Variants in ZEB1 observed in about 807,000 individuals in gnomAD.
ZEB1 encodes the protein zinc finger E-box binding homeobox 1.
In ZEB1, 21 loss-of-function variants were observed where a neutral mutation model predicts 84.9. The ratio of observed to expected loss-of-function variants is 0.25; its 90% CI spans 0.18 to 0.36. ZEB1 has a LOEUF of 0.36. Ranked by LOEUF, ZEB1 falls within the 10% of genes least tolerant of loss-of-function variation. The probability of loss-of-function intolerance (pLI) is 1.00; values close to 1 mark genes in which losing one functional copy is unlikely to be tolerated. For synonymous variants in ZEB1, 420 were observed against 471.1 expected (o/e 0.89, Z 1.41); for missense variants, 1,104 against 1,330.2 (o/e 0.83, Z 2.65).
At chr10:31,378,010 TATATC>T (rs1472438268) in intron 1 of ZEB1, among the ~76,000 whole-genome samples, 1 of 151,052 alleles carries the variant, frequency 6.6e-6, no homozygotes, top group Non-Finnish European at 1.5e-5. Flanking sequence ...GCACAATACA[TATATC>T]ATACATATAT....
At chr10:31,412,698 A>C (rs2135831434) in intron 1 of ZEB1, among the ~76,000 whole-genome samples, 1 of 152,306 alleles carries the variant, frequency 6.6e-6, no homozygotes, top group East Asian at 1.9e-4. Context: ...CTGCTTATAG[A>C]ATGCTATGGA....
intron 2 of ZEB1, among the ~76,000 whole-genome samples, chr10:31,489,778 T>TAA (rs972144229): frequency 1.3e-5 from 2 of 151,406 alleles, no homozygotes; most frequent in Non-Finnish European, 3.0e-5. Context: ...CTTTATTTTA[T>TAA]AGTTTTTATA....
chr10:31,441,108 A>G (rs1446353117), intron 1 of ZEB1, among the ~76,000 whole-genome samples: 1 of 152,184 alleles, frequency 6.6e-6, no homozygotes, highest in Admixed American at 6.5e-5. Context: ...AGACAATCCT[A>G]AGCCAAAAGA....
rs192705810 is a variant in ZEB1 at position 31,405,798 on chromosome 10, A to G, written c.59-55239A>G. On this transcript the variant is annotated intron_variant, in intron 1 of 8. Transcript: ENST00000424869. ...TCATGGTGGTTTGTTGCACCCATCA[A>G]CCCGTCATCTACATTAGGTATTTCT... Among the ~76,000 whole-genome samples the G allele has an allele frequency of 3.4e-3, 518 of 152,072 alleles. 5 individuals carry two copies. The highest frequency in any genetic ancestry group is 3.9e-3 in the Non-Finnish European group (267 of 67,966).
At chr10:31,447,793 G>A in intron 1 of ZEB1, among the ~76,000 whole-genome samples, 1 of 152,164 alleles carries the variant, frequency 6.6e-6, no homozygotes, top group Non-Finnish European at 1.5e-5. Context: ...CTGTTAGTCT[G>A]ATGGGCTTCC....
At position 31,332,292 on chromosome 10, in the gene ZEB1, A is replaced by T. The variant is rs112368802; in HGVS notation, c.58+13000A>T. On this transcript the variant is annotated intron_variant, in intron 1 of 8. Coordinates refer to ENST00000424869, the MANE Select transcript of ZEB1 (RefSeq NM_001174096.2). ...TTGGCTGTGCATTTCTAGTCCCTGC[A>T]CTGTTAGGGGGAATTGTATATTTTT... Among the ~76,000 whole-genome samples the T allele has an allele frequency of 5.3e-3, 804 of 152,270 alleles. 7 individuals are homozygous for T. Among genetic ancestry groups the T allele is most frequent in the African/African-American group, 0.018 (749 of 41,558 alleles).
In ZEB1 at chr10:31,387,861, A is replaced by C. The variant is rs1277899319; in HGVS notation, c.58+68569A>C. ...TGAAAAATATTACTTAAAACTTGAA[A>C]AAATTACTTAAAATTGGCAATTTCT... On this transcript the variant is annotated intron_variant, in intron 1 of 8. Transcript: ENST00000424869. 15 of 673,456 alleles carry C rather than the reference A, an allele frequency of 2.2e-5. No individual in the cohort carries two copies. The Admixed American group carries it at 6.3e-4, about 28-fold the overall frequency. 41.7% of individuals were successfully genotyped at this position (673,456 alleles called of 1,614,324 possible).
Position 31,322,446 on chromosome 10 carries a change from A to G in ZEB1, c.58+3154A>G, listed in dbSNP as rs146739300. Among the ~76,000 whole-genome samples the G allele has an allele frequency of 5.6e-4, 85 of 152,350 alleles. 6 individuals carry two copies. In the East Asian group the frequency reaches 0.016, roughly 29 times the overall value. On this transcript the variant is annotated intron_variant, in intron 1 of 8. Coordinates refer to ENST00000424869, the MANE Select transcript of ZEB1 (RefSeq NM_001174096.2). ...TGTTTTATTCATTTTGAAATAAGAT[A>G]CGTGGATTTTGCTGCTAAGCCTTCT...
chr10:31,337,693 T>TTTG (rs1434625026), intron 1 of ZEB1, among the ~76,000 whole-genome samples: 8 of 145,710 alleles, frequency 5.5e-5, no homozygotes, highest in African/African-American at 2.0e-4. Context: ...GTTTTTTTTT[T>TTTG]TTTTTTTTTT....
At chr10:31,489,761 C>T (rs1206346867) in intron 2 of ZEB1, among the ~76,000 whole-genome samples, 1 of 150,924 alleles carries the variant, frequency 6.6e-6, no homozygotes, top group African/African-American at 2.4e-5. Context: ...TCTTGTTATT[C>T]TCCCTCCTTT....
intron 2 of ZEB1, among the ~76,000 whole-genome samples, chr10:31,478,531 T>C (rs2064590586): frequency 2.0e-5 from 3 of 151,928 alleles, no homozygotes; most frequent in Admixed American, 2.0e-4. Context: ...GAAATCATTA[T>C]ATAAGAAAGA....
intron 1 of ZEB1, chr10:31,319,587 C>T (rs1016807814): frequency 1.8e-5 from 7 of 396,320 alleles, no homozygotes; most frequent in African/African-American, 1.3e-4. Flanking sequence ...GCCGACGCCG[C>T]CGCATCCCCG....
At chr10:31,481,253 A>G (rs1033520835) in intron 2 of ZEB1, among the ~76,000 whole-genome samples, 1 of 152,106 alleles carries the variant, frequency 6.6e-6, no homozygotes, top group African/African-American at 2.4e-5. Flanking sequence ...CTGAATATAT[A>G]TAAAAACAGA....
At chr10:31,516,945 T>C (rs1354770599) in intron 6 of ZEB1, among the ~76,000 whole-genome samples, 2 of 152,082 alleles carry the variant, frequency 1.3e-5, no homozygotes, top group Non-Finnish European at 2.9e-5. Context: ...GTGTTACTCA[T>C]TCTTGAGATA....
chr10:31,372,399 A>G (rs185100164), intron 1 of ZEB1, among the ~76,000 whole-genome samples: 1 of 152,192 alleles, frequency 6.6e-6, no homozygotes, highest in East Asian at 1.9e-4. Context: ...CATAAAGCCT[A>G]TGGTCAAAAA....
Position 31,526,725 on chromosome 10 carries a change from C to T in ZEB1, c.2839C>T (p.His947Tyr). ...ICKKAFKHKH[H>Y]LIEHMRLHSG... Reference sequence around the variant, plus strand: ...TAAAAAGGCATTTAAACACAAACATCATTTGATTGAACACATGCGATTACA... The same window carrying T: ...TAAAAAGGCATTTAAACACAAACATTATTTGATTGAACACATGCGATTACA... Residue 947 changes from histidine (H) to tyrosine (Y), a missense_variant, in exon 9 of 9, where the codon CAT becomes TAT. Physicochemically the swap from His to Tyr is moderately conservative, Grantham distance 83 (BLOSUM62 2). Around this residue, in one of 7 missense-constraint regions of ZEB1, gnomAD observed 53 missense variants for 92.5 expected, o/e 0.57. Coordinates refer to ENST00000424869, the MANE Select transcript of ZEB1 (RefSeq NM_001174096.2). 6.2e-7 allele frequency: 1 copy of T among 1,614,042 alleles called. No homozygotes were observed.
chr10:31,510,577 G>A, intron 4 of ZEB1, 96 bp from the exon 5 acceptor site: 6 of 953,714 alleles, frequency 6.3e-6, no homozygotes, highest in Non-Finnish European at 6.6e-6. Flanking sequence ...AAAGTGGGTA[G>A]CACAATATCT....
chr10:31,356,996 A>G (rs756470372), intron 1 of ZEB1, among the ~76,000 whole-genome samples: 1 of 152,300 alleles, frequency 6.6e-6, no homozygotes, highest in Non-Finnish European at 1.5e-5. Flanking sequence ...ACAGGGCAAA[A>G]TCGACCTGTT....
chr10:31,444,368 G>A (rs1038588379), intron 1 of ZEB1, among the ~76,000 whole-genome samples: 3 of 150,686 alleles, frequency 2.0e-5, no homozygotes, highest in Admixed American at 1.3e-4. Flanking sequence ...TAGGTTGCCT[G>A]TTCACTCTGA....
Sources: allele counts gnomAD v4.1 joint callset (sites outside exome capture counted in the v4.1 genomes callset), GRCh38; gene constraint gnomAD v4.1.1; regional missense constraint gnomAD v4.1.1; transcripts MANE v1.5; gene names NCBI Gene and HGNC (gene_info 2026-07-23, HGNC 2026-07-21).